The following CCSER1 variants were observed in gnomAD, a reference collection of about 807,000 sequenced individuals.
The protein encoded by CCSER1 is serine-rich coiled-coil domain-containing protein 1.
Under a neutral mutation model 82.0 loss-of-function variants are expected in CCSER1, and 41 were observed. The observed-to-expected ratio is 0.50, with a 90% CI of 0.39 to 0.65. The LOEUF is 0.65. Ranked by LOEUF, CCSER1 falls within the 30% of genes least tolerant of loss-of-function variation. The pLI is 0.00. For missense variants in CCSER1, 1,119 were observed against 1,064.2 expected (o/e 1.05, Z -0.72); for synonymous variants, 414 against 383.9 (o/e 1.08, Z -0.92).
chr4:90,893,849 T>G (rs1365286796), intron 8 of CCSER1, among the ~76,000 whole-genome samples: 7 of 151,898 alleles, frequency 4.6e-5, no homozygotes, highest in African/African-American at 1.2e-4. Flanking sequence ...TAATTTCTAT[T>G]TAGCAGTCTA....
At chr4:90,449,643 G>A (rs1761159444) in intron 4 of CCSER1, among the ~76,000 whole-genome samples, 1 of 152,220 alleles carries the variant, frequency 6.6e-6, no homozygotes, top group South Asian at 2.1e-4. Flanking sequence ...CAGGGAGCTA[G>A]CATATCAGCA....
intron 8 of CCSER1, among the ~76,000 whole-genome samples, chr4:90,880,885 C>G (rs1456638540): frequency 6.6e-6 from 1 of 151,878 alleles, no homozygotes; most frequent in Non-Finnish European, 1.5e-5. Context: ...TGGCTTTTCT[C>G]CATTCTCCAT....
chr4:91,347,412 T>C (rs1231975823), intron 10 of CCSER1, among the ~76,000 whole-genome samples: 1 of 152,104 alleles, frequency 6.6e-6, no homozygotes, highest in Non-Finnish European at 1.5e-5. Context: ...TCCAACTTTT[T>C]TACTTCTTCA....
intron 4 of CCSER1, among the ~76,000 whole-genome samples, chr4:90,454,415 AG>A (rs1421718764): frequency 6.6e-6 from 1 of 152,062 alleles, no homozygotes; most frequent in African/African-American, 2.4e-5. Context: ...CTGAATCAAG[AG>A]ATAGAGAGGT....
intron 7 of CCSER1, among the ~76,000 whole-genome samples, chr4:90,741,870 T>G (rs1262767415): frequency 1.3e-5 from 2 of 152,176 alleles, no homozygotes; most frequent in African/African-American, 2.4e-5. Context: ...AATAGTTCCA[T>G]CTGTTGTATT....
chr4:90,856,230 G>C (rs189910742), intron 8 of CCSER1, among the ~76,000 whole-genome samples: 1 of 152,016 alleles, frequency 6.6e-6, no homozygotes, highest in African/African-American at 2.4e-5. Context: ...TAGCTTCCTT[G>C]TTCTGTTTTG....
At chr4:91,109,497 A>T (rs1258726293) in intron 10 of CCSER1, among the ~76,000 whole-genome samples, 2 of 152,084 alleles carry the variant, frequency 1.3e-5, no homozygotes, top group Non-Finnish European at 2.9e-5. Flanking sequence ...GTTAAAAAAA[A>T]AAAGTGTCAA....
intron 7 of CCSER1, among the ~76,000 whole-genome samples, chr4:90,740,615 T>C (rs1746377827): frequency 6.6e-6 from 1 of 152,230 alleles, no homozygotes; most frequent in South Asian, 2.1e-4. Flanking sequence ...GAAAGGTTGG[T>C]ACAAGATAAA....
intron 1 of CCSER1, among the ~76,000 whole-genome samples, chr4:90,166,216 T>C (rs1190413979): frequency 6.6e-6 from 1 of 152,016 alleles, no homozygotes; most frequent in Non-Finnish European, 1.5e-5. Context: ...TGTCTAACTG[T>C]AGGCTAATGA....
At chr4:91,440,235 C>T (rs571735199) in intron 10 of CCSER1, among the ~76,000 whole-genome samples, 207 of 152,072 alleles carry the variant, frequency 1.4e-3, no homozygotes, top group East Asian at 4.5e-3. Context: ...CCTCAGCAAA[C>T]ATAAAAGAAC....
At chr4:91,499,007 G>A (rs1759071636) in intron 10 of CCSER1, among the ~76,000 whole-genome samples, 1 of 151,762 alleles carries the variant, frequency 6.6e-6, no homozygotes, top group African/African-American at 2.4e-5. Flanking sequence ...GTCTGTTACT[G>A]CAAACAATGC....
At chr4:90,568,903 G>T (rs934806536) in intron 5 of CCSER1, among the ~76,000 whole-genome samples, 7 of 151,782 alleles carry the variant, frequency 4.6e-5, no homozygotes, top group African/African-American at 1.5e-4. Context: ...AAGTAGCTGG[G>T]ATTACAGGCG....
At chr4:90,572,208 C>T (rs1055245587) in intron 5 of CCSER1, among the ~76,000 whole-genome samples, 1 of 152,078 alleles carries the variant, frequency 6.6e-6, no homozygotes, top group Non-Finnish European at 1.5e-5. Flanking sequence ...AAGGTTTCAG[C>T]TAAGAAGTGT....
chr4:91,004,870 A>G (rs1738363726), intron 9 of CCSER1, among the ~76,000 whole-genome samples: 1 of 152,236 alleles, frequency 6.6e-6, no homozygotes, highest in East Asian at 1.9e-4. Flanking sequence ...AGTTCTGTAC[A>G]GCTTTATTCA....
intron 8 of CCSER1, among the ~76,000 whole-genome samples, chr4:90,882,348 A>G (rs891153585): frequency 2.1e-4 from 32 of 152,022 alleles, no homozygotes; most frequent in African/African-American, 7.2e-4. Context: ...GAGAAACCCT[A>G]AACAAAGCAC....
At chr4:91,064,582 A>G (rs930548623) in intron 9 of CCSER1, among the ~76,000 whole-genome samples, 3 of 152,186 alleles carry the variant, frequency 2.0e-5, no homozygotes, top group Non-Finnish European at 2.9e-5. Flanking sequence ...TCATGCAGGC[A>G]CTCTCTGCCT....
At chr4:91,036,288 G>C (rs1741428813) in intron 9 of CCSER1, among the ~76,000 whole-genome samples, 1 of 152,158 alleles carries the variant, frequency 6.6e-6, no homozygotes, top group Non-Finnish European at 1.5e-5. Flanking sequence ...ACATAGGAAT[G>C]TAAGTAAGAT....
intron 7 of CCSER1, among the ~76,000 whole-genome samples, chr4:90,748,563 G>T (rs1180574992): frequency 8.7e-5 from 13 of 149,806 alleles, no homozygotes; most frequent in Non-Finnish European, 1.9e-4. Context: ...GTAATGGGAT[G>T]GCTGAGTCAA....
chr4:90,159,614 A>G (rs2153364869), intron 1 of CCSER1, among the ~76,000 whole-genome samples: 1 of 152,304 alleles, frequency 6.6e-6, no homozygotes, highest in Middle Eastern at 3.4e-3. Flanking sequence ...GCCCTTTGGA[A>G]TTCGATTTTT....
Sources: allele counts gnomAD v4.1 joint callset (sites outside exome capture counted in the v4.1 genomes callset), GRCh38; gene constraint gnomAD v4.1.1; transcripts MANE v1.5; gene names NCBI Gene and HGNC (gene_info 2026-07-23, HGNC 2026-07-21).